TMPRSS7: variants seen among roughly 807,000 people sequenced by gnomAD.
TMPRSS7 encodes transmembrane protease serine 7.
In TMPRSS7, 81 loss-of-function variants were observed where a neutral mutation model predicts 95.6. That is an observed-to-expected ratio of 0.85 (90% CI 0.71 to 1.02). The LOEUF (loss-of-function observed/expected upper bound fraction) is 1.02, where lower values mean the gene tolerates loss of function less well. Ranked by LOEUF, TMPRSS7 falls within the 50% of genes least tolerant of loss-of-function variation. The pLI is 0.00. For synonymous variants in TMPRSS7, 364 were observed against 337.8 expected, an observed-to-expected ratio of 1.08 and a Z score of -0.85; for missense variants, 945 against 955.2, an observed-to-expected ratio of 0.99 and a Z score of 0.14.
At chr3:112,074,500 C>A in intron 14 of TMPRSS7, 88 bp downstream of exon 14, 1 of 1,017,586 alleles carries the variant, frequency 9.8e-7, no homozygotes. Flanking sequence ...TGGTGTATTT[C>A]CCTTGATCGA....
chr3:112,063,610 T>A (rs780233543), exon 12 of TMPRSS7: 3 of 1,614,082 alleles, frequency 1.9e-6, no homozygotes, highest in South Asian at 2.2e-5. Flanking sequence ...ACTGCTTTGA[T>A]GAAAGTGATG....
At chr3:112,063,655 T>C in intron 12 of TMPRSS7, 23 bp downstream of exon 12, 6 of 1,578,408 alleles carry the variant, frequency 3.8e-6, no homozygotes, top group African/African-American at 1.3e-5. Flanking sequence ...GATTTTAATA[T>C]GACTTTCTTA....
At chr3:112,044,553 C>G (rs924208721) in intron 4 of TMPRSS7, among the ~76,000 whole-genome samples, 1 of 152,084 alleles carries the variant, frequency 6.6e-6, no homozygotes, top group Admixed American at 6.5e-5. Flanking sequence ...ATCCTGAACC[C>G]CTATAGCAGT....
At chr3:112,079,624 G>T (rs1300769933) in intron 17 of TMPRSS7, among the ~76,000 whole-genome samples, 2 of 152,122 alleles carry the variant, frequency 1.3e-5, no homozygotes, top group African/African-American at 4.8e-5. Context: ...GCTCAGGGAA[G>T]CCAAAAGATT....
At chr3:112,038,365 A>G (rs7625876) in intron 2 of TMPRSS7, 44 bp downstream of exon 2, 334,401 of 683,722 alleles carry the variant, frequency 0.49, 84,082 homozygotes, top group East Asian at 0.59. Flanking sequence ...GGCTTATGGT[A>G]TGAGTCCAGC....
At chr3:112,043,412 G>A (rs147962821) in intron 3 of TMPRSS7, among the ~76,000 whole-genome samples, 545 of 152,136 alleles carry the variant, frequency 3.6e-3, no homozygotes, top group Non-Finnish European at 5.7e-3. Context: ...TTATCCCAAG[G>A]AGGTGGGTGT....
rs1428918497 is a variant in TMPRSS7, at chr3:112,054,716, A to T, written c.1204-2309A>T. ...ACATTAGTTACTTAACATATTTACT[A>T]TCTCTCAGTTTGCTTTTTTTTTTTT... On this transcript the variant is annotated intron_variant, in intron 9 of 17. Coordinates refer to ENST00000452346, the Ensembl canonical transcript of TMPRSS7. 3.4e-4 allele frequency among the ~76,000 whole-genome samples: 37 copies of T among 107,902 alleles called. No homozygotes were observed. The Admixed American group carries it at 3.8e-3, about 11-fold the overall frequency. 70.8% of individuals were successfully genotyped at this position (107,902 alleles called of 152,430 possible).
At chr3:112,035,004 A>G in intron 1 of TMPRSS7, 111 bp downstream of exon 1, 2 of 646,980 alleles carry the variant, frequency 3.1e-6, no homozygotes, top group East Asian at 5.5e-5. Context: ...ATAATAAAAT[A>G]TTTTATCTTC....
intron 9 of TMPRSS7, among the ~76,000 whole-genome samples, chr3:112,054,975 G>A (rs530706452): frequency 1.3e-5 from 2 of 152,030 alleles, no homozygotes; most frequent in African/African-American, 2.4e-5. Context: ...TCCTGACGTC[G>A]TGATCCGCCC....
intron 16 of TMPRSS7, 25 bp from the exon 17 acceptor site, chr3:112,078,716 AT>A (rs1559965491): frequency 6.2e-7 from 1 of 1,613,496 alleles, no homozygotes; most frequent in Non-Finnish European, 8.5e-7. Flanking sequence ...CACTAACATC[AT>A]TTCTACTTCC....
chr3:112,050,014 T>G (rs768926119), intron 8 of TMPRSS7, 40 bp downstream of exon 8: 1 of 1,506,676 alleles, frequency 6.6e-7, no homozygotes, highest in Admixed American at 2.0e-5. Flanking sequence ...CTTTTAGAAA[T>G]ATTTGTAATG....
chr3:112,044,183 TACA>T (rs1348608869), intron 3 of TMPRSS7, 69 bp from the exon 4 acceptor site: 19 of 1,120,872 alleles, frequency 1.7e-5, no homozygotes, highest in South Asian at 4.0e-5. Flanking sequence ...AGCTTGGGCC[TACA>T]ACATTTAAGA....
At chr3:112,049,870 T>C (rs1296537485) in exon 8 of TMPRSS7, 2 of 1,543,010 alleles carry the variant, frequency 1.3e-6, no homozygotes, top group East Asian at 4.6e-5. Context: ...AGAACATTAA[T>C]GTCATTTGTT....
intron 13 of TMPRSS7, among the ~76,000 whole-genome samples, chr3:112,068,383 A>G (rs111410787): frequency 0.03 from 4,565 of 152,240 alleles, 193 homozygotes; most frequent in African/African-American, 0.088. Flanking sequence ...AGCTTGATGG[A>G]GATGGCATTG....
At position 112,072,096 on chromosome 3, in the gene TMPRSS7, G is replaced by C. The variant is rs141707149; in HGVS notation, c.1667-2200G>C. Among the ~76,000 whole-genome samples, 477 of 152,224 alleles carry C rather than the reference G, an allele frequency of 3.1e-3. 1 individual carries two copies. The highest frequency in any genetic ancestry group is 0.02 in the Middle Eastern group (6 of 294). On this transcript the variant is annotated intron_variant, in intron 13 of 17. Coordinates refer to ENST00000452346, the Ensembl canonical transcript of TMPRSS7. ...CATCTTTGTGGTTTTATCTACCTTC[G>C]GTCTTTGATGTTGGTGACTTACAGA...
At chr3:112,071,652 C>T (rs1227796773) in intron 13 of TMPRSS7, among the ~76,000 whole-genome samples, 9 of 152,102 alleles carry the variant, frequency 5.9e-5, no homozygotes, top group African/African-American at 1.4e-4. Context: ...TTTCTTTTTA[C>T]TCTTTCTTCT....
intron 10 of TMPRSS7, among the ~76,000 whole-genome samples, 172 bp from the exon 11 acceptor site, chr3:112,061,615 A>G (rs1418745273): frequency 1.3e-5 from 2 of 152,248 alleles, no homozygotes; most frequent in African/African-American, 4.8e-5. Context: ...AGAGGGCAGA[A>G]GTTACTTGAT....
At chr3:112,078,618 T>C in intron 16 of TMPRSS7, 124 bp from the exon 17 acceptor site, 2 of 1,268,286 alleles carry the variant, frequency 1.6e-6, no homozygotes, top group Non-Finnish European at 1.1e-6. Flanking sequence ...TAGTAGAATT[T>C]ACCTCAAGGG....
chr3:112,061,635 A>T, intron 10 of TMPRSS7, 152 bp from the exon 11 acceptor site: 5 of 731,508 alleles, frequency 6.8e-6, no homozygotes, highest in Non-Finnish European at 1.0e-5. Flanking sequence ...TCACAGTCAC[A>T]TGGCCTAGAA....
Sources: gnomAD v4.1 joint callset for allele counts (sites outside exome capture counted in the v4.1 genomes callset) on GRCh38, gnomAD v4.1.1 for gene constraint, MANE v1.5 for transcripts, NCBI Gene and HGNC (gene_info 2026-07-23, HGNC 2026-07-21) for gene names.